Variants in FUCA1 observed in about 807,000 individuals in gnomAD.
FUCA1 encodes the protein tissue alpha-L-fucosidase.
In FUCA1, 52 loss-of-function variants were observed where a neutral mutation model predicts 56.8. That is an observed-to-expected ratio of 0.92 (90% CI 0.73 to 1.15). The LOEUF is 1.15. FUCA1 is among the 50% of genes most tolerant of loss of function. FUCA1 has a pLI of 0.00. For synonymous variants in FUCA1, 230 were observed against 226.6 expected (o/e 1.02, Z -0.14); for missense variants, 568 against 592.6 (o/e 0.96, Z 0.43).
chr1:23,846,521 T>C (rs1359007458), intron 6 of FUCA1, among the ~76,000 whole-genome samples: 2 of 152,152 alleles, frequency 1.3e-5, no homozygotes, highest in East Asian at 1.9e-4. Flanking sequence ...TCCACCTGCA[T>C]TGGCCTCCCA....
chr1:23,853,095 C>T (rs1271115726), intron 5 of FUCA1, among the ~76,000 whole-genome samples: 5 of 147,682 alleles, frequency 3.4e-5, no homozygotes, highest in African/African-American at 7.5e-5. Flanking sequence ...GGCCGCCCAT[C>T]GTCTGAGATG....
Position 23,849,708 on chromosome 1 carries a change from G to A in FUCA1, c.970-869C>T, listed in dbSNP as rs1238015987. ...AGTGATTCTCCTGCCTCAGGCTCCCGAGTAGCTGGGACTACAGGTGCGCAC... is the reference window on the plus strand; with the variant it reads ...AGTGATTCTCCTGCCTCAGGCTCCCAAGTAGCTGGGACTACAGGTGCGCAC... On this transcript the variant is annotated intron_variant, in intron 5 of 7. Transcript: ENST00000374479. Among the ~76,000 whole-genome samples, 4 of 147,356 alleles carry A rather than the reference G, an allele frequency of 2.7e-5. No homozygotes were observed. In the East Asian group the frequency reaches 6.3e-4, roughly 23 times the overall value.
Position 23,865,889 on chromosome 1 carries a change from G to C in FUCA1, c.390-264C>G, listed in dbSNP as rs74937660. 0.078 allele frequency among the ~76,000 whole-genome samples: 11,848 copies of C among 152,254 alleles called. 616 individuals carry two copies. The highest frequency in any genetic ancestry group is 0.21 in the East Asian group (1,089 of 5,178). ...GAGGCCCAGAGGGAAGGAAGGAGTG[G>C]GTAAGGGAAAAGAAGTGCACCTTAG... On this transcript the variant is annotated intron_variant, in intron 1 of 7. Coordinates refer to ENST00000374479, the MANE Select transcript of FUCA1 (RefSeq NM_000147.5).
intron 2 of FUCA1, among the ~76,000 whole-genome samples, chr1:23,863,765 T>C (rs983297837): frequency 6.6e-6 from 1 of 152,156 alleles, no homozygotes; most frequent in African/African-American, 2.4e-5. Flanking sequence ...AGTGGGAGGA[T>C]GGCTTGAGCC....
chr1:23,852,481 C>G (rs538534965), intron 5 of FUCA1, among the ~76,000 whole-genome samples: 1 of 150,804 alleles, frequency 6.6e-6, no homozygotes, highest in Non-Finnish European at 1.5e-5. Context: ...CCTCTCCCCA[C>G]GGTCTCCCTC....
At position 23,863,134 on chromosome 1, in the gene FUCA1, CT is replaced by C. The variant is rs774846977; in HGVS notation, c.661del (p.Ser221AlafsTer6). The C allele has an allele frequency of 2.0e-5, 33 of 1,613,646 alleles. No homozygotes were observed. Among genetic ancestry groups the C allele is most frequent in the Non-Finnish European group, 2.7e-5 (32 of 1,179,966 alleles). ...GGGCCAAAATATTTCAGTGTCTTAC[CT>C]GTTAACAAGGTCGTACAGCTCTGGC... ...TMPELYDLVNSYKPDLIWSDG... is the reference protein window; with the variant it reads ...TMPELYDLVNXYKPDLIWSDG... On this transcript the variant is annotated frameshift_variant and splice_region_variant, in exon 3 of 8. Coordinates refer to ENST00000374479, the MANE Select transcript of FUCA1 (RefSeq NM_000147.5). LOFTEE classifies it high-confidence loss of function.
At chr1:23,862,974 G>T (rs955597845) in intron 3 of FUCA1, among the ~76,000 whole-genome samples, 160 bp downstream of exon 3, 3 of 152,182 alleles carry the variant, frequency 2.0e-5, no homozygotes, top group African/African-American at 7.2e-5. Flanking sequence ...AAGGCAGGAG[G>T]AAAGAACATA....
intron 5 of FUCA1, among the ~76,000 whole-genome samples, chr1:23,850,316 C>CAAA (rs11425085): frequency 2.3e-5 from 3 of 129,488 alleles, no homozygotes; most frequent in Non-Finnish European, 3.2e-5. Context: ...AATTCCATCT[C>CAAA]AAAAAAAAAA....
chr1:23,847,170 A>G (rs747732725), intron 6 of FUCA1, among the ~76,000 whole-genome samples: 1 of 152,126 alleles, frequency 6.6e-6, no homozygotes, highest in Non-Finnish European at 1.5e-5. Context: ...TTTCCCTACC[A>G]ATTGGGTTAA....
In FUCA1 at chr1:23,848,657, T is replaced by A; in HGVS notation, c.1152A>T (p.Thr384=). The part of the protein sequence containing the change: ...PWRVQWEKNT[T]SVWYTSKGSA... Reference sequence around the variant, plus strand: ...CAGAAGACAAGACTCACCATACAGATGTTGTGTTCTTTTCCCATTGCACCC... The same window carrying A: ...CAGAAGACAAGACTCACCATACAGAAGTTGTGTTCTTTTCCCATTGCACCC... Residue 384 remains threonine, a synonymous_variant, in exon 6 of 8, where the codon ACA becomes ACT. Transcript: ENST00000374479. The A allele has an allele frequency of 6.2e-7, 1 of 1,614,128 alleles. No individual in the cohort carries two copies. Among genetic ancestry groups the A allele is most frequent in the East Asian group, 2.2e-5 (1 of 44,884 alleles).
At position 23,848,793 on chromosome 1, in the gene FUCA1, A is replaced by G. The variant is rs775385097; in HGVS notation, c.1016T>C (p.Ile339Thr). The G allele has an allele frequency of 8.7e-5, 141 of 1,614,060 alleles. No individual in the cohort carries two copies. Among genetic ancestry groups the G allele is most frequent in the Non-Finnish European group, 1.1e-4 (134 of 1,180,012 alleles). Residue 339 changes from isoleucine (I) to threonine (T), a missense_variant, in exon 6 of 8, where the codon ATT becomes ACT. Transcript: ENST00000374479. ...VSLGGNYLLN[I>T]GPTKDGLIVP... ...AATCAGTCCATCTTTAGTTGGTCCAATGTTCAGAAGATAGTTGCCTCCCAA... is the reference window on the plus strand; with the variant it reads ...AATCAGTCCATCTTTAGTTGGTCCAGTGTTCAGAAGATAGTTGCCTCCCAA...
intron 7 of FUCA1, 89 bp from the exon 8 acceptor site, chr1:23,845,944 G>T: frequency 6.4e-7 from 1 of 1,563,346 alleles, no homozygotes; most frequent in Non-Finnish European, 8.8e-7. Context: ...CAGCCACGCT[G>T]GGCCAGGGCA....
chr1:23,848,859 T>C lies in FUCA1; in HGVS notation c.970-20A>G, dbSNP rs371684711. The C allele has an allele frequency of 8.1e-5, 130 of 1,608,786 alleles. No homozygotes were observed. The highest frequency in any genetic ancestry group is 1.1e-4 in the Non-Finnish European group (126 of 1,175,470). On this transcript the variant is annotated intron_variant, in intron 5 of 7. Coordinates refer to ENST00000374479, the MANE Select transcript of FUCA1 (RefSeq NM_000147.5). ...CAGTTCCTGGAGAGAACAGAAACAATGAAAGTCTAGCTATGAATGCCAAGC... is the reference window on the plus strand; with the variant it reads ...CAGTTCCTGGAGAGAACAGAAACAACGAAAGTCTAGCTATGAATGCCAAGC...
At position 23,845,350 on chromosome 1, in the gene FUCA1, C is replaced by T. The variant is rs1639115989; in HGVS notation, c.*365G>A. 2.9e-6 allele frequency: 1 copy of T among 341,092 alleles called. No individual in the cohort carries two copies. Among genetic ancestry groups the T allele is most frequent in the East Asian group, 7.7e-5 (1 of 13,044 alleles). 21.1% of individuals were successfully genotyped at this position (341,092 alleles called of 1,614,324 possible). A position where few individuals can be genotyped will look rare whatever the true frequency, so the allele number is the denominator to read the frequency against. On this transcript the variant is annotated 3_prime_UTR_variant, in exon 8 of 8. Coordinates refer to ENST00000374479, the MANE Select transcript of FUCA1 (RefSeq NM_000147.5). ...TGTGGTTGAGCTTGCCAAATCCTTC[C>T]ACCTCCTCCCATAGGCAACAGGGTG...
At chr1:23,857,904 G>A (rs1639427244) in intron 4 of FUCA1, among the ~76,000 whole-genome samples, 1 of 151,366 alleles carries the variant, frequency 6.6e-6, no homozygotes, top group Non-Finnish European at 1.5e-5. Flanking sequence ...TCCTGACCTC[G>A]TGATCCACCA....
chr1:23,861,716 A>C (rs1639516997), intron 3 of FUCA1, among the ~76,000 whole-genome samples: 1 of 152,200 alleles, frequency 6.6e-6, no homozygotes, highest in African/African-American at 2.4e-5. Context: ...AAGCATTATT[A>C]TTCTCATTTG....
intron 4 of FUCA1, among the ~76,000 whole-genome samples, chr1:23,857,837 T>A (rs1388232266): frequency 6.6e-6 from 1 of 151,012 alleles, no homozygotes; most frequent in Non-Finnish European, 1.5e-5. Context: ...CCCGGCCTAA[T>A]TTTTGTATTT....
chr1:23,848,907 CAG>C, intron 5 of FUCA1, 68 bp from the exon 6 acceptor site: 2 of 1,329,490 alleles, frequency 1.5e-6, no homozygotes, highest in Non-Finnish European at 2.2e-6. Flanking sequence ...TTAAAATAGA[CAG>C]AGAAGAAAAA....
At chr1:23,851,161 C>T (rs1354220607) in intron 5 of FUCA1, among the ~76,000 whole-genome samples, 4 of 151,938 alleles carry the variant, frequency 2.6e-5, no homozygotes, top group Non-Finnish European at 5.9e-5. Flanking sequence ...ACCAGGAGTT[C>T]GAGACAAGCC....
Sources: gnomAD v4.1 joint callset for allele counts (sites outside exome capture counted in the v4.1 genomes callset) on GRCh38, gnomAD v4.1.1 for gene constraint, MANE v1.5 for transcripts, NCBI Gene and HGNC (gene_info 2026-07-23, HGNC 2026-07-21) for gene names.